Variants in CAGE1 observed in about 807,000 individuals in gnomAD.
The protein encoded by CAGE1 is cancer-associated gene 1 protein.
A neutral mutation model predicts 94.9 loss-of-function variants in CAGE1; 66 were observed. That is an observed-to-expected ratio of 0.70 (90% confidence interval 0.57 to 0.85). The LOEUF (loss-of-function observed/expected upper bound fraction) is 0.85, where lower values mean the gene tolerates loss of function less well. Among genes scored for constraint, CAGE1 ranks in the 40% least tolerant of loss-of-function variants. The probability of loss-of-function intolerance (pLI) is 0.00; values close to 1 mark genes in which losing one functional copy is unlikely to be tolerated. For synonymous variants in CAGE1, 319 were observed against 321.0 expected (o/e 0.99, Z 0.07); for missense variants, 865 against 950.4 (o/e 0.91, Z 1.18).
chr6:7,345,864 G>GA (rs1759496538), intron 11 of CAGE1, among the ~76,000 whole-genome samples: 1 of 152,158 alleles, frequency 6.6e-6, no homozygotes, highest in Admixed American at 6.5e-5. Context: ...GGAGAAGCTT[G>GA]CAGTGAGCCG....
chr6:7,344,477 G>A (rs950825388), intron 11 of CAGE1, among the ~76,000 whole-genome samples: 3 of 152,240 alleles, frequency 2.0e-5, no homozygotes, highest in Non-Finnish European at 4.4e-5. Flanking sequence ...GGGACCTACA[G>A]CCCGCCATGC....
At chr6:7,337,256 G>A (rs971675044) in intron 11 of CAGE1, among the ~76,000 whole-genome samples, 14 of 151,190 alleles carry the variant, frequency 9.3e-5, no homozygotes. Flanking sequence ...GAACCTGGGA[G>A]GCGGAGGTTG....
At chr6:7,357,379 C>T (rs1759994010) in intron 9 of CAGE1, among the ~76,000 whole-genome samples, 1 of 152,166 alleles carries the variant, frequency 6.6e-6, no homozygotes. Flanking sequence ...CTCCTCACTA[C>T]ATCCTGGAGG....
chr6:7,361,445 TAGAAC>T (rs1482207339), intron 9 of CAGE1, among the ~76,000 whole-genome samples: 1 of 152,196 alleles, frequency 6.6e-6, no homozygotes, highest in Admixed American at 6.5e-5. Context: ...TGAAATGGAA[TAGAAC>T]AGAACAGAAT....
chr6:7,361,331 G>A (rs1309901390), intron 9 of CAGE1, among the ~76,000 whole-genome samples: 1 of 152,034 alleles, frequency 6.6e-6, no homozygotes, highest in Non-Finnish European at 1.5e-5. Context: ...ATTCTGCAAG[G>A]GCCAAGAAAG....
intron 11 of CAGE1, among the ~76,000 whole-genome samples, chr6:7,338,430 T>C (rs1377781658): frequency 6.6e-6 from 1 of 152,204 alleles, no homozygotes; most frequent in Non-Finnish European, 1.5e-5. Context: ...TTTCCTAGGT[T>C]GTTTAGGTTT....
intron 9 of CAGE1, among the ~76,000 whole-genome samples, chr6:7,359,902 A>C (rs1044978154): frequency 2.6e-5 from 4 of 152,190 alleles, no homozygotes; most frequent in Non-Finnish European, 4.4e-5. Flanking sequence ...ACACAAAGTG[A>C]TTATCTTATA....
chr6:7,327,399 C>G (rs1441959426), intron 13 of CAGE1, among the ~76,000 whole-genome samples: 1 of 152,176 alleles, frequency 6.6e-6, no homozygotes, highest in Non-Finnish European at 1.5e-5. Flanking sequence ...AAGTGATCCA[C>G]CTGCCTCAGC....
At position 7,350,389 on chromosome 6, in the gene CAGE1, C is replaced by T. The variant is rs549162626; in HGVS notation, c.2369+4652G>A. 8.5e-5 allele frequency among the ~76,000 whole-genome samples: 13 copies of T among 152,270 alleles called. 1 individual carries two copies. The highest frequency in any genetic ancestry group is 2.1e-4 in the South Asian group (1 of 4,828). On this transcript the variant is annotated intron_variant, in intron 11 of 13. Transcript: ENST00000502583. ...TCAACAAAGAAACAATGGAGTTAAA[C>T]GATACCTTGGAACAAATGGACTTAA...
intron 13 of CAGE1, among the ~76,000 whole-genome samples, chr6:7,327,936 T>TAAATAAAC (rs1758592844): frequency 7.4e-6 from 1 of 134,976 alleles, no homozygotes; most frequent in Non-Finnish European, 1.5e-5. Context: ...GTCTAAAAAA[T>TAAATAAAC]AAATAAATAA....
intron 11 of CAGE1, chr6:7,347,391 G>A (rs1759587521): frequency 6.6e-6 from 1 of 151,884 alleles, no homozygotes; most frequent in African/African-American, 2.4e-5. Context: ...AGTCAATTTA[G>A]AGAGCCAAGC....
At chr6:7,368,081 G>A (rs563513230) in intron 7 of CAGE1, among the ~76,000 whole-genome samples, 11 of 151,736 alleles carry the variant, frequency 7.2e-5, no homozygotes, top group East Asian at 1.9e-4. Flanking sequence ...GTGAAGCCCC[G>A]TCTCTACTAA....
chr6:7,339,047 A>C lies in CAGE1; in HGVS notation c.2370-4957T>G, dbSNP rs879048410. 3.5e-5 allele frequency: 57 copies of C among 1,606,244 alleles called. No individual in the cohort carries two copies. In the African/African-American group the frequency reaches 6.0e-4, roughly 17 times the overall value. On this transcript the variant is annotated intron_variant, in intron 11 of 13. Transcript: ENST00000502583. This position sits in a 1 kb window ranked among gnomAD's most constrained non-coding sequence, Gnocchi z 4.7. ...CCAGCACACTCTGTCTGAGCAACAC[A>C]TGGCGCACAGCAGTGTCAACGTAGT...
rs183921013 is a variant in CAGE1 at position 7,367,065 on chromosome 6, A to G, written c.2005-1181T>C. 7.6e-4 allele frequency among the ~76,000 whole-genome samples: 116 copies of G among 152,254 alleles called. 3 individuals are homozygous for G. In the East Asian group the frequency reaches 0.019, roughly 26 times the overall value. ...AAACATTTTCCAATATTTAAAATAG[A>G]AAAAACTTTAATGAACACCACGTAA... is the stretch of plus-strand genomic sequence containing the variant. On this transcript the variant is annotated intron_variant, in intron 7 of 13. Coordinates refer to ENST00000502583, the MANE Select transcript of CAGE1 (RefSeq NM_001170692.2).
chr6:7,364,712 C>T (rs1018106537), intron 9 of CAGE1, among the ~76,000 whole-genome samples: 3 of 152,060 alleles, frequency 2.0e-5, no homozygotes, highest in African/African-American at 7.2e-5. Flanking sequence ...TCATGATCCA[C>T]CCGCCTCAGC....
At chr6:7,358,176 C>A (rs1024008457) in intron 9 of CAGE1, among the ~76,000 whole-genome samples, 1 of 150,566 alleles carries the variant, frequency 6.6e-6, no homozygotes, top group Non-Finnish European at 1.5e-5. Context: ...TGCCCATCTG[C>A]CTTCCTTGAC....
At chr6:7,376,038 T>G (rs1385896045) in intron 4 of CAGE1, among the ~76,000 whole-genome samples, 1 of 152,118 alleles carries the variant, frequency 6.6e-6, no homozygotes, top group Non-Finnish European at 1.5e-5. Flanking sequence ...TGAATAAAAA[T>G]GACTAAATGT....
At position 7,373,422 on chromosome 6, in the gene CAGE1, G is replaced by A; in HGVS notation, c.1397C>T (p.Thr466Ile). The A allele has an allele frequency of 6.2e-7, 1 of 1,613,694 alleles. No homozygotes were observed. The highest frequency in any genetic ancestry group is 1.6e-4 in the Middle Eastern group (1 of 6,062). The change falls in exon 5 of 14, where the codon ACA (threonine) becomes ATA (isoleucine). Residue 466 changes from threonine (T) to isoleucine (I), a missense_variant. Physicochemically the swap from Thr to Ile is moderately conservative, Grantham distance 89. Transcript: ENST00000502583. ...TTTCAACAAGTCCAAAGCAGAAGCT[G>A]TGGCCTTTTCCAGTTCTTTTTTGAG... ...QQLKKELEKATASALDLLKRE... is the reference protein window; with the variant it reads ...QQLKKELEKAIASALDLLKRE...
chr6:7,388,603 A>C (rs1761220171), intron 1 of CAGE1, among the ~76,000 whole-genome samples: 1 of 152,234 alleles, frequency 6.6e-6, no homozygotes, highest in Non-Finnish European at 1.5e-5. Context: ...CCTGCATTCC[A>C]ATGACTTATT....
Sources: gnomAD v4.1 joint callset for allele counts (sites outside exome capture counted in the v4.1 genomes callset) on GRCh38, gnomAD v4.1.1 for gene constraint, Gnocchi (gnomAD v3.1) non-coding constraint, MANE v1.5 for transcripts, NCBI Gene and HGNC (gene_info 2026-07-23, HGNC 2026-07-21) for gene names.